The following NUP85 variants were observed in gnomAD, a reference collection of about 807,000 sequenced individuals.
NUP85 encodes nuclear pore complex protein Nup85.
NUP85 carries 23 observed loss-of-function variants against 92.8 expected under a neutral mutation model. That is an observed-to-expected ratio of 0.25 (90% CI 0.18 to 0.35). The LOEUF (loss-of-function observed/expected upper bound fraction) is 0.35. Ranked by LOEUF, NUP85 falls within the 10% of genes least tolerant of loss-of-function variation. NUP85 has a pLI of 1.00. For synonymous variants in NUP85, 314 were observed against 306.9 expected (o/e 1.02, Z -0.24); for missense variants, 759 against 822.8 (o/e 0.92, Z 0.95).
At chr17:75,211,914 T>G in intron 3 of NUP85, 78 bp from the exon 4 acceptor site, 3 of 1,136,360 alleles carry the variant, frequency 2.6e-6, no homozygotes, top group Non-Finnish European at 3.9e-6. Flanking sequence ...AATTTCTGCA[T>G]TTATTTGAGT....
intron 11 of NUP85, among the ~76,000 whole-genome samples, chr17:75,230,912 T>G (rs1215297271): frequency 6.8e-6 from 1 of 147,302 alleles, no homozygotes; most frequent in Non-Finnish European, 1.5e-5. Flanking sequence ...AGAGCAAGAC[T>G]CCACCTCAAC....
At chr17:75,217,033 G>A (rs138545424) in intron 6 of NUP85, among the ~76,000 whole-genome samples, 65 of 152,084 alleles carry the variant, frequency 4.3e-4, no homozygotes, top group Non-Finnish European at 7.6e-4. Context: ...CTACAGGCAC[G>A]TGCCACCATG....
intron 6 of NUP85, among the ~76,000 whole-genome samples, chr17:75,216,138 TG>T (rs1207574230): frequency 6.6e-6 from 1 of 152,098 alleles, no homozygotes; most frequent in East Asian, 1.9e-4. Context: ...TTTATGAATG[TG>T]GGGTAGGATT....
In NUP85 at chr17:75,218,240, G is replaced by A. The variant is rs772055599; in HGVS notation, c.531G>A (p.Val177=). 3.7e-6 allele frequency: 6 copies of A among 1,613,962 alleles called. No homozygotes were observed. The highest frequency in any genetic ancestry group is 1.1e-5 in the South Asian group (1 of 91,078). Residue 177 remains valine (V), a synonymous_variant, in exon 7 of 19, where the codon GTG becomes GTA. Transcript: ENST00000245544. ...GGGTCCGGCTCCATGTGTGCGAGGT[G>A]GACAGTTTGTCGGCAGATGTTCTGG... The part of the protein sequence containing the change: ...LDWVRLHVCE[V]DSLSADVLGS...
chr17:75,218,078 C>G (rs181099353), intron 6 of NUP85, 107 bp from the exon 7 acceptor site: 3 of 1,454,500 alleles, frequency 2.1e-6, no homozygotes, highest in Non-Finnish European at 2.9e-6. Context: ...AAGGGATAAA[C>G]CTATGTAGTC....
chr17:75,230,935 G>A (rs1032383488), intron 11 of NUP85, among the ~76,000 whole-genome samples: 15 of 23,818 alleles, frequency 6.3e-4, no homozygotes, highest in East Asian at 2.7e-3. Flanking sequence ...CTTTCTGAGC[G>A]ATTTTTTTTT....
intron 14 of NUP85, 30 bp downstream of exon 14, chr17:75,232,009 CTG>C (rs2076080075): frequency 6.2e-6 from 10 of 1,611,894 alleles, no homozygotes; most frequent in South Asian, 1.1e-5. Flanking sequence ...AGCCTACTGT[CTG>C]TGGGACGCAG....
intron 6 of NUP85, 104 bp from the exon 7 acceptor site, chr17:75,218,081 A>G (rs1418796771): frequency 6.8e-7 from 1 of 1,469,518 alleles, no homozygotes; most frequent in Non-Finnish European, 9.4e-7. Context: ...GGATAAACCT[A>G]TGTAGTCAGC....
chr17:75,235,523 G>T, intron 18 of NUP85, 55 bp from the exon 19 acceptor site: 1 of 1,279,470 alleles, frequency 7.8e-7, no homozygotes, highest in Non-Finnish European at 1.1e-6. Context: ...CCCTTCGGGA[G>T]TGTGAAAGGG....
intron 5 of NUP85, among the ~76,000 whole-genome samples, chr17:75,213,505 C>A (rs966149223): frequency 6.6e-6 from 1 of 151,902 alleles, no homozygotes; most frequent in Non-Finnish European, 1.5e-5. Context: ...GTTGGCCAGG[C>A]TGGTCTTGAA....
chr17:75,214,972 C>G (rs2075384944), intron 5 of NUP85, among the ~76,000 whole-genome samples: 1 of 151,774 alleles, frequency 6.6e-6, no homozygotes, highest in Non-Finnish European at 1.5e-5. Context: ...GAGATCGAGA[C>G]CTTCCTGGCT....
intron 7 of NUP85, among the ~76,000 whole-genome samples, chr17:75,222,850 A>G (rs1045107064): frequency 1.3e-5 from 2 of 151,928 alleles, no homozygotes; most frequent in Admixed American, 6.6e-5. Flanking sequence ...CCTGGCTAAC[A>G]CAGTGAAACC....
At chr17:75,216,819 C>G (rs1229140178) in intron 6 of NUP85, among the ~76,000 whole-genome samples, 3 of 152,122 alleles carry the variant, frequency 2.0e-5, no homozygotes, top group Non-Finnish European at 2.9e-5. Flanking sequence ...ACAGTTGGCT[C>G]TTTGTATCTG....
chr17:75,228,097 C>A, intron 11 of NUP85: 1 of 655,966 alleles, frequency 1.5e-6, no homozygotes, highest in Non-Finnish European at 1.9e-6. Context: ...TCTAAATTTC[C>A]TGTGTTATAA....
At chr17:75,212,776 C>T in intron 4 of NUP85, among the ~76,000 whole-genome samples, 1 of 151,996 alleles carries the variant, frequency 6.6e-6, no homozygotes, top group East Asian at 1.9e-4. Context: ...TGACATCAGC[C>T]TCCCAAAGTG....
intron 7 of NUP85, among the ~76,000 whole-genome samples, chr17:75,224,149 G>A (rs1351741174): frequency 6.6e-6 from 1 of 152,180 alleles, no homozygotes; most frequent in East Asian, 1.9e-4. Context: ...AGATTCAAGC[G>A]ATTCTCCTGC....
At chr17:75,222,839 T>C (rs1435451928) in intron 7 of NUP85, among the ~76,000 whole-genome samples, 2 of 151,748 alleles carry the variant, frequency 1.3e-5, no homozygotes, top group Non-Finnish European at 2.9e-5. Flanking sequence ...ATCAAGACCA[T>C]CCTGGCTAAC....
At chr17:75,211,130 G>A (rs1161295197) in intron 3 of NUP85, among the ~76,000 whole-genome samples, 1 of 151,538 alleles carries the variant, frequency 6.6e-6, no homozygotes, top group Non-Finnish European at 1.5e-5. Flanking sequence ...AGCCTCCTGA[G>A]TAGCTGGGAT....
At chr17:75,218,365 G>T (rs569960657) in intron 7 of NUP85, 59 bp downstream of exon 7, 13 of 1,604,364 alleles carry the variant, frequency 8.1e-6, no homozygotes, top group Non-Finnish European at 1.1e-5. Flanking sequence ...GGTGCTGCCG[G>T]GTGGGTCTGA....
Sources: allele counts gnomAD v4.1 joint callset (sites outside exome capture counted in the v4.1 genomes callset), GRCh38; gene constraint gnomAD v4.1.1; transcripts MANE v1.5; gene names NCBI Gene and HGNC (gene_info 2026-07-23, HGNC 2026-07-21).